The following LACTB variants were observed in gnomAD, a reference collection of about 807,000 sequenced individuals.
LACTB encodes the protein serine beta-lactamase-like protein LACTB, mitochondrial.
LACTB carries 35 observed loss-of-function variants against 50.2 expected under a neutral mutation model. The observed-to-expected ratio is 0.70, with a 90% CI of 0.53 to 0.92. The LOEUF is 0.92. LACTB is among the 40% of genes least tolerant of loss of function. The probability of loss-of-function intolerance (pLI) is 0.00; values close to 1 mark genes in which losing one functional copy is unlikely to be tolerated. For missense variants in LACTB, 664 were observed against 691.8 expected (o/e 0.96, Z 0.45); for synonymous variants, 252 against 268.2 (o/e 0.94, Z 0.59).
intron 5 of LACTB, among the ~76,000 whole-genome samples, chr15:63,139,955 A>G (rs959864300): frequency 3.0e-5 from 4 of 132,778 alleles, no homozygotes; most frequent in African/African-American, 1.1e-4. Flanking sequence ...AAAAAAAAAA[A>G]TCTTAGCCAG....
At chr15:63,132,807 C>T (rs992798039) in intron 5 of LACTB, among the ~76,000 whole-genome samples, 1 of 151,944 alleles carries the variant, frequency 6.6e-6, no homozygotes, top group Non-Finnish European at 1.5e-5. Flanking sequence ...GGCAAGAGAG[C>T]GAGACCCCAT....
intron 2 of LACTB, among the ~76,000 whole-genome samples, chr15:63,124,281 G>A (rs2037018953): frequency 8.0e-6 from 1 of 125,622 alleles, no homozygotes; most frequent in Non-Finnish European, 1.7e-5. Context: ...TTGGAATAAA[G>A]ACTAATTGCT....
At chr15:63,122,258 G>A (rs1325310577) in intron 1 of LACTB, 30 bp downstream of exon 1, 1 of 1,505,310 alleles carries the variant, frequency 6.6e-7, no homozygotes, top group South Asian at 1.3e-5. Flanking sequence ...GGGCGTAGGG[G>A]GCCGGGGATC....
chr15:63,124,976 C>T (rs1247822047), intron 2 of LACTB, among the ~76,000 whole-genome samples: 1 of 150,724 alleles, frequency 6.6e-6, no homozygotes, highest in African/African-American at 2.4e-5. Flanking sequence ...AAAAATGTTT[C>T]ATATGCCATT....
In LACTB at chr15:63,141,609, C is replaced by T. The variant is rs1276022933; in HGVS notation, c.1448C>T (p.Ala483Val). Residue 483 changes from alanine (A) to valine (V), a missense_variant, in exon 6 of 6, where the codon GCT (alanine) becomes GTT (valine). Physicochemically the swap from Ala to Val is moderately conservative, Grantham distance 64. Transcript: ENST00000261893. ...TCGTGTAGAAAGCAACGGCATTATGCTTCACATACTGGAGGGGCAGTGGGT... is the reference window on the plus strand; with the variant it reads ...TCGTGTAGAAAGCAACGGCATTATGTTTCACATACTGGAGGGGCAGTGGGT... ...YGSCRKQRHY[A>V]SHTGGAVGAS... 9 of 1,614,078 alleles carry T rather than the reference C, an allele frequency of 5.6e-6. No individual in the cohort carries two copies. The highest frequency in any genetic ancestry group is 7.6e-6 in the Non-Finnish European group (9 of 1,180,040).
At chr15:63,134,757 G>T (rs924814043) in intron 5 of LACTB, among the ~76,000 whole-genome samples, 5 of 151,924 alleles carry the variant, frequency 3.3e-5, no homozygotes, top group Non-Finnish European at 7.4e-5. Flanking sequence ...CTATGCCACT[G>T]GCCACTGTGT....
At chr15:63,135,087 A>G (rs1460530481) in intron 5 of LACTB, among the ~76,000 whole-genome samples, 2 of 152,184 alleles carry the variant, frequency 1.3e-5, no homozygotes, top group Admixed American at 6.5e-5. Context: ...ATCAACTATT[A>G]CTTTTACCTT....
chr15:63,125,445 G>A (rs905490581), intron 2 of LACTB, among the ~76,000 whole-genome samples: 38 of 152,186 alleles, frequency 2.5e-4, no homozygotes, highest in African/African-American at 8.9e-4. Flanking sequence ...TGGGATTACA[G>A]GCGTGAGCCA....
chr15:63,122,446 C>T (rs563162061), intron 1 of LACTB, 190 bp from the exon 2 acceptor site: 9 of 684,498 alleles, frequency 1.3e-5, no homozygotes, highest in South Asian at 1.8e-5. Flanking sequence ...ACCGCCCCTT[C>T]CCCCTAGGGG....
intron 5 of LACTB, among the ~76,000 whole-genome samples, chr15:63,135,286 T>G (rs993793891): frequency 6.6e-6 from 1 of 152,242 alleles, no homozygotes; most frequent in African/African-American, 2.4e-5. Context: ...GGATTAAATA[T>G]GCATTGCAAA....
In LACTB at chr15:63,141,498, C is replaced by G; in HGVS notation, c.1337C>G (p.Pro446Arg). The part of the protein sequence containing the change: ...KPETMVMMWT[P>R]VPNTEMSWDK... ...GAAACAATGGTTATGATGTGGACCC[C>G]AGTCCCTAACACAGAGATGTCTTGG... Residue 446 changes from proline (P) to arginine (R), a missense_variant, in exon 6 of 6, where the codon CCA becomes CGA. Physicochemically the swap from Pro to Arg is moderately radical, Grantham distance 103. Coordinates refer to ENST00000261893, the MANE Select transcript of LACTB (RefSeq NM_032857.5). The G allele has an allele frequency of 1.2e-6, 2 of 1,614,194 alleles. No homozygotes were observed. The highest frequency in any genetic ancestry group is 1.7e-6 in the Non-Finnish European group (2 of 1,180,008).
chr15:63,141,320 C>A lies in LACTB; in HGVS notation c.1159C>A (p.Pro387Thr). 6.2e-7 allele frequency: 1 copy of A among 1,613,872 alleles called. No individual in the cohort carries two copies. The highest frequency in any genetic ancestry group is 1.3e-5 in the African/African-American group (1 of 75,022). ...TAAAAAGAAACGTCTTGTCAACACA[C>A]CTTACGTGGATAACTCCTATAAATG... The part of the protein sequence containing the change: ...YNKKKRLVNT[P>T]YVDNSYKWAG... The change falls in exon 6 of 6, where the codon CCT becomes ACT. Residue 387 changes from proline to threonine, a missense_variant. Coordinates refer to ENST00000261893, the MANE Select transcript of LACTB (RefSeq NM_032857.5).
Position 63,127,051 on chromosome 15 carries a change from T to G in LACTB, c.615+2T>G. On this transcript the variant is annotated splice_donor_variant, in intron 3 of 5. Coordinates refer to ENST00000261893, the MANE Select transcript of LACTB (RefSeq NM_032857.5). LOFTEE classifies it high-confidence loss of function. ...GAAAAAGAATATGAAGGTGAAAAGG[T>G]ACTGAAACTCACAGTTCATTTTACT... 6.3e-7 allele frequency: 1 copy of G among 1,578,394 alleles called. No individual in the cohort carries two copies. Among genetic ancestry groups the G allele is most frequent in the Non-Finnish European group, 8.6e-7 (1 of 1,156,908 alleles).
chr15:63,133,103 A>G (rs1326874614), intron 5 of LACTB, among the ~76,000 whole-genome samples: 3 of 152,190 alleles, frequency 2.0e-5, no homozygotes, highest in Non-Finnish European at 4.4e-5. Flanking sequence ...TATTTTATGG[A>G]GAGGCTTTAG....
chr15:63,129,562 T>C lies in LACTB; in HGVS notation c.1030T>C (p.Leu344=), dbSNP rs146399929. The change falls in exon 5 of 6, where the codon TTG becomes CTG. Residue 344 remains leucine, a synonymous_variant. Coordinates refer to ENST00000261893, the MANE Select transcript of LACTB (RefSeq NM_032857.5). ...IVERASGCKY[L]DYMQKIFHDL... ...AGAGAGAGCTTCAGGATGTAAATAT[T>C]TGGACTATATGCAGAAAATATTCCA... 642 of 1,613,656 alleles carry C rather than the reference T, an allele frequency of 4.0e-4. 6 individuals carry two copies. In the African/African-American group the frequency reaches 7.4e-3, roughly 19 times the overall value.
Position 63,129,535 on chromosome 15 carries a change from G to A in LACTB, c.1003G>A (p.Val335Ile), listed in dbSNP as rs1261449932. 6.2e-7 allele frequency: 1 copy of A among 1,612,990 alleles called. No individual in the cohort carries two copies. The highest frequency in any genetic ancestry group is 8.5e-7 in the Non-Finnish European group (1 of 1,179,512). Residue 335 changes from valine (V) to isoleucine (I), a missense_variant, in exon 5 of 6, where the codon GTA (valine) becomes ATA (isoleucine). Coordinates refer to ENST00000261893, the MANE Select transcript of LACTB (RefSeq NM_032857.5). Reference protein sequence around the residue: ...TFGYTLLAAIVERASGCKYLD... With the variant: ...TFGYTLLAAIIERASGCKYLD... ...TGGCTATACCCTACTGGCAGCCATA[G>A]TAGAGAGAGCTTCAGGATGTAAATA...
At chr15:63,127,272 A>T (rs1377544519) in intron 3 of LACTB, 81 bp from the exon 4 acceptor site, 1 of 1,158,890 alleles carries the variant, frequency 8.6e-7, no homozygotes, top group Non-Finnish European at 1.2e-6. Flanking sequence ...GGAAAATATT[A>T]CTGAGACATT....
intron 5 of LACTB, among the ~76,000 whole-genome samples, chr15:63,137,868 T>TA (rs1313810080): frequency 6.6e-6 from 1 of 152,186 alleles, no homozygotes. Flanking sequence ...TTTCATGCCT[T>TA]TAGCTGACAG....
intron 1 of LACTB, 143 bp from the exon 2 acceptor site, chr15:63,122,493 A>C (rs1250209996): frequency 1.0e-5 from 8 of 776,622 alleles, no homozygotes; most frequent in East Asian, 7.9e-5. Flanking sequence ...GTGAGTGACC[A>C]TGGCCTGGGA....
Sources: allele counts gnomAD v4.1 joint callset (sites outside exome capture counted in the v4.1 genomes callset), GRCh38; gene constraint gnomAD v4.1.1; transcripts MANE v1.5; gene names NCBI Gene and HGNC (gene_info 2026-07-23, HGNC 2026-07-21).